Variants in MUC5B observed in about 807,000 individuals in gnomAD.
MUC5B encodes the protein mucin 5B, oligomeric mucus/gel-forming, also known as mucin-5B.
In MUC5B, 116 loss-of-function variants were observed where a neutral mutation model predicts 376.9. The ratio of observed to expected loss-of-function variants is 0.31; its 90% CI spans 0.26 to 0.36. MUC5B has a LOEUF of 0.36. MUC5B is among the 10% of genes least tolerant of loss of function. The pLI, the probability that MUC5B is intolerant of heterozygous loss-of-function variation, is 1.00. For missense variants in MUC5B, 7,165 were observed against 7,769.9 expected (o/e 0.92, Z 2.93); for synonymous variants, 3,517 against 3,390.9 (o/e 1.04, Z -1.29).
chr11:1,261,485 C>T lies in MUC5B; in HGVS notation c.17166C>T (p.Gly5722=). ...CGGTGCCCTTGCACTGTCCTAACGG[C>T]TCAGCCATCCTGCACACCTACACCC... ...EETVPLHCPN[G]SAILHTYTHV... is the part of the protein sequence containing the mutation. Residue 5722 remains glycine, a synonymous_variant, in exon 49 of 49, where the codon GGC becomes GGT. Transcript: ENST00000529681. 6.3e-7 allele frequency: 1 copy of T among 1,583,024 alleles called. No individual in the cohort carries two copies. Among genetic ancestry groups the T allele is most frequent in the Non-Finnish European group, 8.6e-7 (1 of 1,165,964 alleles).
Position 1,249,188 on chromosome 11 carries a change from G to C in MUC5B, c.12308G>C (p.Ser4103Thr). The change falls in exon 31 of 49, where the codon AGC becomes ACC. Residue 4103 changes from serine (S) to threonine (T), a missense_variant. Transcript: ENST00000529681. ...TSRTTATATP[S>T]KTRTSTLLPS... ...AGGACCACGGCCACGGCCACACCCA[G>C]CAAGACCCGCACCTCGACCCTGCTG... is the stretch of plus-strand genomic sequence containing the variant. The C allele has an allele frequency of 6.2e-7, 1 of 1,611,388 alleles. No homozygotes were observed.
rs1421119094 is a variant in MUC5B, at chr11:1,229,990, G to A, written c.1221-15G>A. The A allele has an allele frequency of 5.7e-6, 9 of 1,580,416 alleles. No homozygotes were observed. Among genetic ancestry groups the A allele is most frequent in the Non-Finnish European group, 6.0e-6 (7 of 1,164,564 alleles). On this transcript the variant is annotated splice_polypyrimidine_tract_variant and intron_variant, in intron 10 of 48. Transcript: ENST00000529681. Reference sequence around the variant, plus strand: ...CTCCCGACATGCCGGTTCTGCTCACGGCCTCCCTCCCCAGCACCTGCTCCG... The same window carrying A: ...CTCCCGACATGCCGGTTCTGCTCACAGCCTCCCTCCCCAGCACCTGCTCCG...
At position 1,247,468 on chromosome 11, in the gene MUC5B, C is replaced by A; in HGVS notation, c.10588C>A (p.Pro3530Thr). ...ACCCCCTTCTCCAGGGACGACCACC[C>A]CGGGCCACACCAGGGGCACCTCCAG... is the stretch of plus-strand genomic sequence containing the variant. ...ESPPSPGTTT[P>T]GHTRGTSRTT... Residue 3530 changes from proline (P) to threonine (T), a missense_variant, in exon 31 of 49, where the codon CCG becomes ACG. By Grantham distance (38) the Pro-to-Thr change is conservative (BLOSUM62 -1). Around this residue, in one of 31 missense-constraint regions of MUC5B, gnomAD observed 939 missense variants for 770.6 expected, o/e 1.22. Coordinates refer to ENST00000529681, the MANE Select transcript of MUC5B (RefSeq NM_002458.3). 1 of 1,608,400 alleles carries A rather than the reference C, an allele frequency of 6.2e-7. No individual in the cohort carries two copies. The highest frequency in any genetic ancestry group is 1.3e-5 in the African/African-American group (1 of 74,514).
intron 38 of MUC5B, 50 bp from the exon 39 acceptor site, chr11:1,256,621 G>T: frequency 6.9e-7 from 1 of 1,444,848 alleles, no homozygotes; most frequent in Non-Finnish European, 9.4e-7. Flanking sequence ...GGATGACAGT[G>T]GAGGCCTCCT....
chr11:1,234,047 G>A lies in MUC5B; in HGVS notation c.2378-158G>A, dbSNP rs1188380231. The stretch of plus-strand genomic sequence containing the variant: ...CCAGTGGGTCTCTGCCCCGCAGTGT[G>A]GCCGGGGTGTCCTGGGGTTGGGGGC... On this transcript the variant is annotated intron_variant, in intron 19 of 48. Transcript: ENST00000529681. This position sits in a 1 kb window ranked among gnomAD's most constrained non-coding sequence, Gnocchi z 6.3. Among the ~76,000 whole-genome samples the A allele has an allele frequency of 1.3e-5, 2 of 152,204 alleles. No homozygotes were observed. Among genetic ancestry groups the A allele is most frequent in the Non-Finnish European group, 2.9e-5 (2 of 68,030 alleles).
In MUC5B at chr11:1,233,838, G is replaced by A; in HGVS notation, c.2367G>A (p.Gln789=). 1 of 1,602,244 alleles carries A rather than the reference G, an allele frequency of 6.2e-7. No homozygotes were observed. Among genetic ancestry groups the A allele is most frequent in the Non-Finnish European group, 8.5e-7 (1 of 1,175,210 alleles). Reference sequence around the variant, plus strand: ...TAAGCTGCCTGGGAGCCTCTCTGCAGAAAAGCACAGGTAAGTGCCACCCCT... The same window carrying A: ...TAAGCTGCCTGGGAGCCTCTCTGCAAAAAAGCACAGGTAAGTGCCACCCCT... ...GKLSCLGASL[Q]KSTGCAAPMV... Residue 789 remains glutamine, a synonymous_variant, in exon 19 of 49, where the codon CAG becomes CAA. Coordinates refer to ENST00000529681, the MANE Select transcript of MUC5B (RefSeq NM_002458.3).
At position 1,257,040 on chromosome 11, in the gene MUC5B, G is replaced by T. The variant is rs1862856682; in HGVS notation, c.16238-200G>T. Among the ~76,000 whole-genome samples, 1 of 152,200 alleles carries T rather than the reference G, an allele frequency of 6.6e-6. No individual in the cohort carries two copies. Among genetic ancestry groups the T allele is most frequent in the Non-Finnish European group, 1.5e-5 (1 of 68,036 alleles). On this transcript the variant is annotated intron_variant, in intron 39 of 48. Transcript: ENST00000529681. This position sits in a 1 kb window ranked among gnomAD's most constrained non-coding sequence, Gnocchi z 8.9. ...CTGAGCCCTGCCTCCCACCACCATG[G>T]ACGAGGCTTCCATGCACTGACAGCT... is the stretch of plus-strand genomic sequence containing the variant.
In MUC5B at chr11:1,245,816, C is replaced by G. The variant is rs1416385574; in HGVS notation, c.8936C>G (p.Ser2979Cys). The G allele has an allele frequency of 1.2e-6, 2 of 1,613,452 alleles. No homozygotes were observed. Among genetic ancestry groups the G allele is most frequent in the East Asian group, 2.2e-5 (1 of 44,866 alleles). ...TGCCCCAGCACCCCGGCCACCAGCT[C>G]TACGGCCACGCCCTCCTCCACTCCA... ...GHCPSTPATSSTATPSSTPGT... is the reference protein window; with the variant it reads ...GHCPSTPATSCTATPSSTPGT... Residue 2979 changes from serine to cysteine, a missense_variant, in exon 31 of 49, where the codon TCT (serine) becomes TGT (cysteine). By Grantham distance (112) the Ser-to-Cys change is moderately radical. Around this residue, in one of 31 missense-constraint regions of MUC5B, gnomAD observed 939 missense variants for 770.6 expected, o/e 1.22. Coordinates refer to ENST00000529681, the MANE Select transcript of MUC5B (RefSeq NM_002458.3).
chr11:1,241,027 G>T lies in MUC5B; in HGVS notation c.4147G>T (p.Ala1383Ser). Reference protein sequence around the residue: ...PVLADIECRAAQLPDMPLEEL... With the variant: ...PVLADIECRASQLPDMPLEEL... ...GCTGGCTGACATCGAGTGCCGGGCGGCGCAGCTTCCCGACATGCCGCTGGA... is the reference window on the plus strand; with the variant it reads ...GCTGGCTGACATCGAGTGCCGGGCGTCGCAGCTTCCCGACATGCCGCTGGA... The change falls in exon 31 of 49, where the codon GCG (alanine) becomes TCG (serine). Residue 1383 changes from alanine to serine, a missense_variant. Coordinates refer to ENST00000529681, the MANE Select transcript of MUC5B (RefSeq NM_002458.3). The T allele has an allele frequency of 6.2e-7, 1 of 1,612,694 alleles. No homozygotes were observed. Among genetic ancestry groups the T allele is most frequent in the Non-Finnish European group, 8.5e-7 (1 of 1,179,826 alleles).
chr11:1,224,523 G>T, intron 1 of MUC5B, among the ~76,000 whole-genome samples: 1 of 128,270 alleles, frequency 7.8e-6, no homozygotes, highest in African/African-American at 2.9e-5. Context: ...GGGAGGAGCT[G>T]CCTGGGGCGG....
rs1862619810 is a variant in MUC5B, at chr11:1,249,884, G to T, written c.13004G>T (p.Gly4335Val). The change falls in exon 31 of 49, where the codon GGG becomes GTG. Residue 4335 changes from glycine (G) to valine (V), a missense_variant. Coordinates refer to ENST00000529681, the MANE Select transcript of MUC5B (RefSeq NM_002458.3). ...CCCTCCTCCACCCTTGGGACCACCG[G>T]GACCCTCCCAGAACAGACCACCACA... ...PIPSSTLGTT[G>V]TLPEQTTTPV... 1.2e-6 allele frequency: 2 copies of T among 1,612,978 alleles called. No homozygotes were observed. Among genetic ancestry groups the T allele is most frequent in the African/African-American group, 2.7e-5 (2 of 74,708 alleles).
Position 1,228,669 on chromosome 11 carries a change from T to A in MUC5B, c.880T>A (p.Cys294Ser). ...LAACAQDLCR[C>S]PTCPCATFVE... ...CGCCTGCGCCCAGGACCTGTGCCGC[T>A]GCCCCACCTGCCCGTGTGCCACCTT... Residue 294 changes from cysteine (C) to serine (S), a missense_variant, in exon 8 of 49, where the codon TGC becomes AGC. Cys to Ser is a moderately radical substitution (Grantham distance 112, BLOSUM62 -1). Coordinates refer to ENST00000529681, the MANE Select transcript of MUC5B (RefSeq NM_002458.3). The A allele has an allele frequency of 2.5e-5, 39 of 1,534,374 alleles. No homozygotes were observed. Among genetic ancestry groups the A allele is most frequent in the Non-Finnish European group, 3.4e-5 (39 of 1,146,294 alleles).
At position 1,226,607 on chromosome 11, in the gene MUC5B, C is replaced by G. The variant is rs775283014; in HGVS notation, c.200-8C>G. ...ATGGGGATGGGCCTCATCCCGCGCT[C>G]CCCACAGCCCTGAACCCGGCGCACA... On this transcript the variant is annotated splice_region_variant and splice_polypyrimidine_tract_variant and intron_variant, in intron 3 of 48. Coordinates refer to ENST00000529681, the MANE Select transcript of MUC5B (RefSeq NM_002458.3). 6.2e-5 allele frequency: 100 copies of G among 1,606,082 alleles called. No homozygotes were observed. Among genetic ancestry groups the G allele is most frequent in the Non-Finnish European group, 7.8e-5 (92 of 1,177,162 alleles).
chr11:1,230,726 T>C, intron 12 of MUC5B, 126 bp downstream of exon 12: 1 of 529,078 alleles, frequency 1.9e-6, no homozygotes, highest in Non-Finnish European at 2.7e-6. Flanking sequence ...CCAGGCCAGG[T>C]CCCCCTCCAG....
At position 1,242,195 on chromosome 11, in the gene MUC5B, T is replaced by C; in HGVS notation, c.5315T>C (p.Leu1772Ser). 1 of 1,613,514 alleles carries C rather than the reference T, an allele frequency of 6.2e-7. No individual in the cohort carries two copies. The highest frequency in any genetic ancestry group is 8.5e-7 in the Non-Finnish European group (1 of 1,179,836). Residue 1772 changes from leucine to serine, a missense_variant, in exon 31 of 49, where the codon TTG becomes TCG. Leu to Ser is a moderately radical substitution (Grantham distance 145, BLOSUM62 -2). This residue lies in a region of MUC5B where 897 missense variants were observed against 779.6 expected (regional missense o/e 1.15). Coordinates refer to ENST00000529681, the MANE Select transcript of MUC5B (RefSeq NM_002458.3). ...TPRTETTMSPLTNTTTSQGTT... is the reference protein window; with the variant it reads ...TPRTETTMSPSTNTTTSQGTT... ...AGGACAGAGACGACAATGAGCCCCT[T>C]GACTAACACCACCACCAGCCAGGGC...
At chr11:1,233,655 A>G (rs572182494) in intron 18 of MUC5B, 138 bp from the exon 19 acceptor site, 1 of 808,960 alleles carries the variant, frequency 1.2e-6, no homozygotes, top group Admixed American at 2.1e-5. Flanking sequence ...CAGCAAACAC[A>G]GCAGCAGGCA....
chr11:1,249,970 A>G lies in MUC5B; in HGVS notation c.13090A>G (p.Thr4364Ala), dbSNP rs761682422. Residue 4364 changes from threonine (T) to alanine (A), a missense_variant, in exon 31 of 49, where the codon ACA (threonine) becomes GCA (alanine). Physicochemically the swap from Thr to Ala is moderately conservative, Grantham distance 58. Around this residue, in one of 31 missense-constraint regions of MUC5B, gnomAD observed 431 missense variants for 390.4 expected, o/e 1.10. Transcript: ENST00000529681. ...SSTPETTHTS[T>A]VLTTKATTTR... ...CACTCCGGAGACCACCCACACCTCC[A>G]CAGTGCTGACCACGAAGGCCACCAC... The G allele has an allele frequency of 1.4e-5, 23 of 1,609,678 alleles. No individual in the cohort carries two copies. The highest frequency in any genetic ancestry group is 1.5e-5 in the Non-Finnish European group (18 of 1,178,218).
At chr11:1,235,590 C>T (rs1862139179) in intron 23 of MUC5B, 177 bp downstream of exon 23, 1 of 623,300 alleles carries the variant, frequency 1.6e-6, no homozygotes, top group Non-Finnish European at 2.9e-6. Context: ...CATTCTCAGT[C>T]CTGGAGCCGG....
chr11:1,230,233 T>C (rs759186809), intron 11 of MUC5B, 90 bp downstream of exon 11: 13 of 1,480,590 alleles, frequency 8.8e-6, no homozygotes, highest in Non-Finnish European at 1.2e-5. Context: ...ACGATGGTCA[T>C]AGAGGGGTGG....
Sources: gnomAD v4.1 joint callset for allele counts (sites outside exome capture counted in the v4.1 genomes callset) on GRCh38, gnomAD v4.1.1 for gene constraint, gnomAD v4.1.1 regional missense constraint, Gnocchi (gnomAD v3.1) non-coding constraint, MANE v1.5 for transcripts, NCBI Gene and HGNC (gene_info 2026-07-23, HGNC 2026-07-21) for gene names.